Variants in KCNJ12 observed in about 807,000 individuals in gnomAD.
The protein encoded by KCNJ12 is ATP-sensitive inward rectifier potassium channel 12.
In KCNJ12, 2 loss-of-function variants were observed where a neutral mutation model predicts 22.3. The observed-to-expected ratio is 0.09, with a 90% CI of 0.04 to 0.28. The LOEUF is 0.28. KCNJ12 is among the 10% of genes least tolerant of loss of function. KCNJ12 has a pLI of 1.00. For synonymous variants in KCNJ12, 117 were observed against 261.4 expected, an observed-to-expected ratio of 0.45 and a Z score of 5.33; for missense variants, 155 against 633.3, an observed-to-expected ratio of 0.24 and a Z score of 8.11.
Position 21,417,601 on chromosome 17 carries a change from G to A in KCNJ12, c.*957G>A, listed in dbSNP as rs1480946441. 2 of 167,498 alleles carry A rather than the reference G, an allele frequency of 1.2e-5. No individual in the cohort carries two copies. The highest frequency in any genetic ancestry group is 2.9e-5 in the Non-Finnish European group (2 of 68,432). 10.4% of individuals were successfully genotyped at this position (167,498 alleles called of 1,614,324 possible). ...CCGGGATGGCTCCTTGGGAAGGGAA[G>A]TCGGGATCCCAGGCTAGGAGGAAGC... On this transcript the variant is annotated 3_prime_UTR_variant, in exon 3 of 3. Transcript: ENST00000583088.
chr17:21,400,882 G>T (rs1297497224), intron 1 of KCNJ12, among the ~76,000 whole-genome samples: 3 of 152,310 alleles, frequency 2.0e-5, no homozygotes, highest in African/African-American at 7.2e-5. Flanking sequence ...GCCCTAACTA[G>T]CAAGACCCGG....
rs1555557284 is a variant in KCNJ12, at chr17:21,376,588, C to G, written c.-504C>G. ...GTAGGGGAGCGCGCCGGGCCCTGCCCGAGATCAGATAACAGCCGGCGGGGG... is the reference window on the plus strand; with the variant it reads ...GTAGGGGAGCGCGCCGGGCCCTGCCGGAGATCAGATAACAGCCGGCGGGGG... On this transcript the variant is annotated 5_prime_UTR_variant, in exon 1 of 3. Transcript: ENST00000583088. The surrounding 1 kb of genome is among the most constrained non-coding windows in gnomAD (Gnocchi z 5.3). 1.3e-5 allele frequency: 2 copies of G among 151,466 alleles called. No homozygotes were observed. The highest frequency in any genetic ancestry group is 2.1e-4 in the South Asian group (1 of 4,822). 9.4% of individuals were successfully genotyped at this position (151,466 alleles called of 1,614,324 possible).
intron 2 of KCNJ12, among the ~76,000 whole-genome samples, chr17:21,414,175 G>A (rs1215248785): frequency 6.6e-6 from 1 of 152,296 alleles, no homozygotes; most frequent in Non-Finnish European, 1.5e-5. Context: ...TCTAGGCCCT[G>A]GGAAGGACAA....
intron 2 of KCNJ12, among the ~76,000 whole-genome samples, chr17:21,409,366 T>G (rs79566915): frequency 3.6e-4 from 55 of 152,424 alleles, no homozygotes; most frequent in African/African-American, 1.1e-3. Flanking sequence ...TCAAGAGCCT[T>G]TGCTGTGGAG....
At chr17:21,413,696 G>T (rs537431739) in intron 2 of KCNJ12, among the ~76,000 whole-genome samples, 1 of 152,428 alleles carries the variant, frequency 6.6e-6, no homozygotes, top group South Asian at 2.1e-4. Flanking sequence ...CCAGTGTGGG[G>T]CCTTTAGTGG....
chr17:21,402,008 C>T (rs868989900), intron 1 of KCNJ12, among the ~76,000 whole-genome samples: 9 of 152,370 alleles, frequency 5.9e-5, no homozygotes, highest in Middle Eastern at 3.4e-3. Context: ...TTCCTCTGAG[C>T]GCCATCGACG....
chr17:21,390,611 T>A (rs1007638447), intron 1 of KCNJ12, among the ~76,000 whole-genome samples: 1 of 152,196 alleles, frequency 6.6e-6, no homozygotes, highest in African/African-American at 2.4e-5. Context: ...GCAGCATTTC[T>A]GGTTTTCTTT....
chr17:21,393,349 A>G lies in KCNJ12; in HGVS notation c.-178-15170A>G, dbSNP rs190407831. ...TCAGAGGCCCTGCTTCAGGCCCTCA[A>G]ACAGTCTGAGTTTGTCCCTGAGGCT... On this transcript the variant is annotated intron_variant, in intron 1 of 2. Coordinates refer to ENST00000583088, the MANE Select transcript of KCNJ12 (RefSeq NM_021012.5). Among the ~76,000 whole-genome samples, 796 of 152,220 alleles carry G rather than the reference A, an allele frequency of 5.2e-3. 12 individuals are homozygous for G. Among genetic ancestry groups the G allele is most frequent in the Middle Eastern group, 6.8e-3 (2 of 294 alleles).
At chr17:21,398,256 C>T (rs184346785) in intron 1 of KCNJ12, among the ~76,000 whole-genome samples, 15 of 152,204 alleles carry the variant, frequency 9.9e-5, no homozygotes, top group African/African-American at 2.9e-4. Flanking sequence ...TGGAGGCACA[C>T]GCAGGTGGAC....
intron 2 of KCNJ12, among the ~76,000 whole-genome samples, chr17:21,413,156 C>T (rs1906473672): frequency 3.1e-5 from 4 of 127,386 alleles, no homozygotes; most frequent in African/African-American, 4.9e-5. Flanking sequence ...GCACCCGCTC[C>T]GAGGCCCAGA....
chr17:21,407,590 CCCATCCAT>C (rs1220286894), intron 1 of KCNJ12, among the ~76,000 whole-genome samples: 1 of 134,222 alleles, frequency 7.5e-6, no homozygotes, highest in Non-Finnish European at 1.6e-5. Flanking sequence ...CATCCATCCA[CCCATCCAT>C]CCATCCATCC....
At chr17:21,407,807 C>T (rs1358641947) in intron 1 of KCNJ12, among the ~76,000 whole-genome samples, 1 of 18,248 alleles carries the variant, frequency 5.5e-5, no homozygotes, top group Non-Finnish European at 1.0e-4. Context: ...ATCCACTCAT[C>T]CATTCACCCA....
At chr17:21,397,664 G>T (rs978300094) in intron 1 of KCNJ12, among the ~76,000 whole-genome samples, 1 of 152,178 alleles carries the variant, frequency 6.6e-6, no homozygotes, top group Non-Finnish European at 1.5e-5. Flanking sequence ...ACTTTGTGAG[G>T]GTGTGGCCCA....
chr17:21,406,536 C>T (rs1905947288), intron 1 of KCNJ12, among the ~76,000 whole-genome samples: 2 of 152,296 alleles, frequency 1.3e-5, no homozygotes, highest in Non-Finnish European at 2.9e-5. Context: ...GAAGAAGGGG[C>T]TGGGGATTGG....
chr17:21,401,927 T>C (rs1364877309), intron 1 of KCNJ12, among the ~76,000 whole-genome samples: 1 of 151,916 alleles, frequency 6.6e-6, no homozygotes. Flanking sequence ...TGGAAAGGGG[T>C]GTTGAAGGAT....
At chr17:21,396,633 C>T (rs1341033632) in intron 1 of KCNJ12, among the ~76,000 whole-genome samples, 2 of 151,832 alleles carry the variant, frequency 1.3e-5, no homozygotes, top group African/African-American at 4.8e-5. Context: ...TGGGGAGGGC[C>T]GTCTTGGTTG....
At chr17:21,400,145 C>T (rs1352926382) in intron 1 of KCNJ12, among the ~76,000 whole-genome samples, 23 of 152,222 alleles carry the variant, frequency 1.5e-4, no homozygotes, top group Non-Finnish European at 2.8e-4. Flanking sequence ...GCCAGTGCTT[C>T]CAGACCCTTC....
chr17:21,407,594 T>C (rs201560555), intron 1 of KCNJ12, among the ~76,000 whole-genome samples: 2 of 136,376 alleles, frequency 1.5e-5, no homozygotes, highest in Admixed American at 7.3e-5. Flanking sequence ...CATCCACCCA[T>C]CCATCCATCC....
intron 1 of KCNJ12, among the ~76,000 whole-genome samples, chr17:21,405,858 A>C (rs61248583): frequency 6.6e-5 from 10 of 152,420 alleles, no homozygotes; most frequent in African/African-American, 1.4e-4. Flanking sequence ...CCTGCCCTGC[A>C]CTGTGACTTC....
Sources: allele counts gnomAD v4.1 joint callset (sites outside exome capture counted in the v4.1 genomes callset), GRCh38; gene constraint gnomAD v4.1.1; non-coding constraint Gnocchi (gnomAD v3.1); transcripts MANE v1.5; gene names NCBI Gene and HGNC (gene_info 2026-07-23, HGNC 2026-07-21).